The following CPAMD8 variants were observed in gnomAD, a reference collection of about 807,000 sequenced individuals.
CPAMD8 encodes the protein C3 and PZP like alpha-2-macroglobulin domain containing 8, also known as C3 and PZP-like alpha-2-macroglobulin domain-containing protein 8.
In CPAMD8, 146 loss-of-function variants were observed where a neutral mutation model predicts 224.7. The ratio of observed to expected loss-of-function variants is 0.65; its 90% CI spans 0.57 to 0.75. The LOEUF is 0.75. CPAMD8 is among the 30% of genes least tolerant of loss of function. The pLI, the probability that CPAMD8 is intolerant of heterozygous loss-of-function variation, is 0.00. For missense variants in CPAMD8, 2,301 were observed against 2,537.5 expected, an observed-to-expected ratio of 0.91 and a Z score of 2.00; for synonymous variants, 966 against 1,044.6, an observed-to-expected ratio of 0.92 and a Z score of 1.45.
intron 35 of CPAMD8, among the ~76,000 whole-genome samples, chr19:16,901,970 C>T (rs1409719780): frequency 6.6e-6 from 1 of 151,986 alleles, no homozygotes; most frequent in African/African-American, 2.4e-5. Context: ...TGATGGGCTG[C>T]GAGTGTCATG....
Position 16,896,467 on chromosome 19 carries a change from C to G in CPAMD8, c.5264G>C (p.Cys1755Ser). The change falls in exon 40 of 42, where the codon TGC becomes TCC. Residue 1755 changes from cysteine (C) to serine (S), a missense_variant. By Grantham distance (112) the Cys-to-Ser change is moderately radical. This residue lies in a region of CPAMD8 where 1,709 missense variants were observed against 1,753.2 expected (regional missense o/e 0.97). Coordinates refer to ENST00000443236, the MANE Select transcript of CPAMD8 (RefSeq NM_015692.5). ...GGTAGGGTCCTCACCGAGGGCGCAG[C>G]AGCTGGGAGGCGCGGGCTCCAGGGG... is the stretch of plus-strand genomic sequence containing the variant. ...AAPLEPAPPS[C>S]CALEQRLPAS... The G allele has an allele frequency of 6.9e-7, 1 of 1,445,328 alleles. No homozygotes were observed. The highest frequency in any genetic ancestry group is 9.0e-7 in the Non-Finnish European group (1 of 1,107,228). 89.5% of individuals were successfully genotyped at this position (1,445,328 alleles called of 1,614,324 possible).
chr19:16,944,741 T>C (rs764156279), intron 22 of CPAMD8, among the ~76,000 whole-genome samples: 1 of 76,934 alleles, frequency 1.3e-5, no homozygotes, highest in Non-Finnish European at 2.5e-5. Context: ...CTGTCACCGC[T>C]CCGGAGTTCT....
At chr19:16,894,921 A>AAT (rs1555749603) in intron 41 of CPAMD8, 1 of 151,572 alleles carries the variant, frequency 6.6e-6, no homozygotes, top group Non-Finnish European at 1.4e-5. Context: ...CCATCTCTAC[A>AAT]ACACACACAC....
At chr19:16,985,342 C>CGGATGGATGGATGGATGGAT (rs145736282) in intron 13 of CPAMD8, among the ~76,000 whole-genome samples, 5,765 of 142,824 alleles carry the variant, frequency 0.04, 224 homozygotes, top group African/African-American at 0.099. Context: ...GGATGAAGGG[C>CGGATGGATGGATGGATGGAT]GGATGGATGG....
intron 17 of CPAMD8, among the ~76,000 whole-genome samples, chr19:16,972,275 C>G (rs899185854): frequency 4.6e-5 from 7 of 152,094 alleles, no homozygotes; most frequent in African/African-American, 1.4e-4. Flanking sequence ...GTGATCCTCC[C>G]ACCTCAGCCT....
rs2055331611 is a variant in CPAMD8, at chr19:16,977,658, A to T, written c.1586-118T>A. 4 of 685,080 alleles carry T rather than the reference A, an allele frequency of 5.8e-6. No individual in the cohort carries two copies. In the East Asian group the frequency reaches 1.2e-4, roughly 20 times the overall value. 42.4% of individuals were successfully genotyped at this position (685,080 alleles called of 1,614,324 possible). ...TATGCTCCTGTCTACGCATTGAGAC[A>T]GTCTGCATCTTTGGTTTTGAGATGC... is the stretch of plus-strand genomic sequence containing the variant. On this transcript the variant is annotated intron_variant, in intron 14 of 41. Transcript: ENST00000443236.
chr19:16,970,842 G>T, intron 18 of CPAMD8, 49 bp downstream of exon 18: 1 of 1,581,578 alleles, frequency 6.3e-7, no homozygotes, highest in Non-Finnish European at 8.7e-7. Context: ...AGCCCCAGAT[G>T]TTAATAGGAC....
chr19:16,913,039 C>T (rs549510917), intron 29 of CPAMD8, among the ~76,000 whole-genome samples: 44 of 152,300 alleles, frequency 2.9e-4, no homozygotes, highest in African/African-American at 9.6e-4. Context: ...AGACATGCAA[C>T]GTCTCAAAAA....
intron 20 of CPAMD8, 53 bp downstream of exon 20, chr19:16,951,916 G>T: frequency 8.6e-7 from 1 of 1,168,050 alleles, no homozygotes; most frequent in Non-Finnish European, 1.2e-6. Context: ...CACCAATGCA[G>T]TCCCAACTCC....
At chr19:17,006,742 C>T (rs2056502913) in intron 7 of CPAMD8, among the ~76,000 whole-genome samples, 1 of 152,040 alleles carries the variant, frequency 6.6e-6, no homozygotes, top group South Asian at 2.1e-4. Flanking sequence ...GTCCCCCGTT[C>T]CTTCTTTGTT....
At chr19:16,983,654 C>T (rs1218131524) in intron 13 of CPAMD8, among the ~76,000 whole-genome samples, 10 of 152,060 alleles carry the variant, frequency 6.6e-5, no homozygotes, top group Admixed American at 1.3e-4. Context: ...CTAAATGTGA[C>T]GTGGGACCCT....
At chr19:16,946,189 G>A (rs62649777) in intron 21 of CPAMD8, among the ~76,000 whole-genome samples, 57,328 of 150,958 alleles carry the variant, frequency 0.38, 12,151 homozygotes, top group African/African-American at 0.59. Context: ...GTGTGTGTGT[G>A]TGCATGTCTG....
intron 19 of CPAMD8, among the ~76,000 whole-genome samples, chr19:16,956,338 T>G (rs1372632212): frequency 6.6e-6 from 1 of 152,156 alleles, no homozygotes; most frequent in East Asian, 1.9e-4. Context: ...GCTTGGGCCC[T>G]ACATTGAGGA....
Position 17,002,370 on chromosome 19 carries a change from AG to A in CPAMD8, c.674-21del. On this transcript the variant is annotated intron_variant, in intron 8 of 41. Coordinates refer to ENST00000443236, the MANE Select transcript of CPAMD8 (RefSeq NM_015692.5). Reference sequence around the variant, plus strand: ...GCAACACTGAAGAAAGCAAGCAGAGAGGAGGGGCTGGCTTCTGTCCCTAAGG... The same window carrying A: ...GCAACACTGAAGAAAGCAAGCAGAGAGAGGGGCTGGCTTCTGTCCCTAAGG... 1 of 1,574,442 alleles carries A rather than the reference AG, an allele frequency of 6.4e-7. No individual in the cohort carries two copies. Among genetic ancestry groups the A allele is most frequent in the Non-Finnish European group, 8.7e-7 (1 of 1,149,958 alleles).
intron 2 of CPAMD8, 116 bp downstream of exon 2, chr19:17,021,914 A>T: frequency 1.4e-5 from 5 of 369,674 alleles, no homozygotes; most frequent in African/African-American, 2.2e-5. Context: ...GCCCCTGGGG[A>T]TTTAGGGCAG....
intron 41 of CPAMD8, chr19:16,895,817 A>G (rs1365048671): frequency 2.2e-6 from 1 of 454,646 alleles, no homozygotes; most frequent in Non-Finnish European, 4.4e-6. Flanking sequence ...CTGAAATGTG[A>G]AAAAATCTGA....
In CPAMD8 at chr19:16,902,672, C is replaced by T; in HGVS notation, c.4662G>A (p.Lys1554=). The change falls in exon 35 of 42, where the codon AAG becomes AAA. Residue 1554 remains lysine, a synonymous_variant. Transcript: ENST00000443236. ...PAADQHHQEY[K]VMLEVCTRWL... is the part of the protein sequence containing the mutation. ...ACCTGGTGCACACCTCCAGCATCAC[C>T]TTGTATTCCTGGTGATGCTGATCGG... 4 of 1,609,982 alleles carry T rather than the reference C, an allele frequency of 2.5e-6. No homozygotes were observed. The highest frequency in any genetic ancestry group is 3.4e-6 in the Non-Finnish European group (4 of 1,178,694).
chr19:16,927,926 G>T, intron 25 of CPAMD8, 83 bp downstream of exon 25: 2 of 1,038,408 alleles, frequency 1.9e-6, no homozygotes, highest in Non-Finnish European at 3.0e-6. Flanking sequence ...CCCCAGCAAA[G>T]CCCAGCTTGA....
intron 18 of CPAMD8, among the ~76,000 whole-genome samples, chr19:16,967,904 T>C (rs2054905401): frequency 6.6e-6 from 1 of 151,546 alleles, no homozygotes; most frequent in Admixed American, 6.6e-5. Context: ...TGTGTGTATA[T>C]ATGTGCATAT....
Sources: allele counts gnomAD v4.1 joint callset (sites outside exome capture counted in the v4.1 genomes callset), GRCh38; gene constraint gnomAD v4.1.1; regional missense constraint gnomAD v4.1.1; transcripts MANE v1.5; gene names NCBI Gene and HGNC (gene_info 2026-07-23, HGNC 2026-07-21).